The following MSI2 variants were observed in gnomAD, a reference collection of about 807,000 sequenced individuals.
The protein encoded by MSI2 is RNA-binding protein Musashi homolog 2.
A neutral mutation model predicts 45.6 loss-of-function variants in MSI2; 17 were observed. The observed-to-expected ratio is 0.37, with a 90% CI of 0.26 to 0.56. The LOEUF is 0.56. Ranked by LOEUF, MSI2 falls within the 20% of genes least tolerant of loss-of-function variation. The pLI, the probability that MSI2 is intolerant of heterozygous loss-of-function variation, is 0.77. For missense variants in MSI2, 293 were observed against 444.2 expected (o/e 0.66, Z 3.06); for synonymous variants, 156 against 158.2 (o/e 0.99, Z 0.11).
chr17:57,616,588 A>C (rs1907733003), intron 9 of MSI2: 1 of 151,666 alleles, frequency 6.6e-6, no homozygotes, highest in Non-Finnish European at 1.5e-5. Flanking sequence ...CAAAATTTGC[A>C]TTTAAATGGA....
At chr17:57,420,905 C>T (rs1461653012) in intron 6 of MSI2, among the ~76,000 whole-genome samples, 3 of 152,246 alleles carry the variant, frequency 2.0e-5, no homozygotes, top group East Asian at 1.9e-4. Flanking sequence ...GAGCGAGCAT[C>T]GCCGCTTTAA....
At chr17:57,374,428 T>C (rs928663122) in intron 5 of MSI2, among the ~76,000 whole-genome samples, 6 of 152,214 alleles carry the variant, frequency 3.9e-5, no homozygotes, top group African/African-American at 1.4e-4. Context: ...CTTTTCCTGG[T>C]TTTATTTACC....
chr17:57,599,518 G>A (rs544336172), intron 8 of MSI2, among the ~76,000 whole-genome samples: 4 of 152,318 alleles, frequency 2.6e-5, no homozygotes, highest in South Asian at 2.1e-4. Context: ...CATATTTATC[G>A]CCTTCTCTCC....
chr17:57,491,975 A>G (rs1765636809), intron 6 of MSI2, among the ~76,000 whole-genome samples: 1 of 152,172 alleles, frequency 6.6e-6, no homozygotes, highest in Admixed American at 6.5e-5. Context: ...TTAGTGTTGT[A>G]ATTTGCTCCT....
chr17:57,439,438 G>A (rs2084755559), intron 6 of MSI2, among the ~76,000 whole-genome samples: 2 of 152,166 alleles, frequency 1.3e-5, no homozygotes, highest in South Asian at 4.1e-4. Flanking sequence ...CGGGCAGAGA[G>A]TTGGGTCAAC....
chr17:57,431,925 G>A (rs148351444), intron 6 of MSI2, among the ~76,000 whole-genome samples: 45 of 152,256 alleles, frequency 3.0e-4, no homozygotes, highest in Middle Eastern at 3.4e-3. Context: ...GGCATTTGGC[G>A]GCGGTGTGGA....
chr17:57,599,404 C>T (rs553802037), intron 8 of MSI2, among the ~76,000 whole-genome samples: 1 of 152,196 alleles, frequency 6.6e-6, no homozygotes, highest in Non-Finnish European at 1.5e-5. Flanking sequence ...AGGGTGAATC[C>T]CCAGATAACC....
In MSI2 at chr17:57,544,213, C is replaced by T. The variant is rs7214278; in HGVS notation, c.454+14489C>T. ...TCAGAAAGTAAACTGGAATCAAAAACGCTATAAAGGATCAAAATAGGAGAG... is the reference window on the plus strand; with the variant it reads ...TCAGAAAGTAAACTGGAATCAAAAATGCTATAAAGGATCAAAATAGGAGAG... On this transcript the variant is annotated intron_variant, in intron 7 of 13. Coordinates refer to ENST00000284073, the MANE Select transcript of MSI2 (RefSeq NM_138962.4). Among the ~76,000 whole-genome samples, 1,390 of 152,180 alleles carry T rather than the reference C, an allele frequency of 9.1e-3. 10 individuals carry two copies. Among genetic ancestry groups the T allele is most frequent in the African/African-American group, 0.03 (1,239 of 41,508 alleles).
intron 10 of MSI2, among the ~76,000 whole-genome samples, chr17:57,649,096 G>C (rs1910918397): frequency 6.6e-6 from 1 of 152,154 alleles, no homozygotes; most frequent in African/African-American, 2.4e-5. Flanking sequence ...TTTGGCCTCT[G>C]GCAGCCCCAG....
chr17:57,549,517 C>G (rs2087255368), intron 7 of MSI2, among the ~76,000 whole-genome samples: 1 of 152,190 alleles, frequency 6.6e-6, no homozygotes. Flanking sequence ...CTATCCTCAG[C>G]TATAATACCG....
chr17:57,523,257 C>G (rs1004077487), intron 6 of MSI2, among the ~76,000 whole-genome samples: 1 of 152,170 alleles, frequency 6.6e-6, no homozygotes, highest in Non-Finnish European at 1.5e-5. Flanking sequence ...CTATGTTGGC[C>G]AGGCTGGTCT....
At chr17:57,659,257 T>C (rs1598500693) in intron 11 of MSI2, among the ~76,000 whole-genome samples, 4 of 152,114 alleles carry the variant, frequency 2.6e-5, no homozygotes, top group Admixed American at 2.6e-4. Context: ...GTTTTTTCTT[T>C]TTTTGTTTGT....
intron 7 of MSI2, among the ~76,000 whole-genome samples, chr17:57,595,402 G>T (rs1455246213): frequency 6.6e-6 from 1 of 152,064 alleles, no homozygotes; most frequent in Non-Finnish European, 1.5e-5. Context: ...CCTTTGGGGA[G>T]AAGAGTGTCT....
At chr17:57,305,477 C>T (rs538372977) in intron 5 of MSI2, among the ~76,000 whole-genome samples, 5 of 152,316 alleles carry the variant, frequency 3.3e-5, no homozygotes, top group South Asian at 4.1e-4. Flanking sequence ...ATCTGCTCTG[C>T]GCCAGCAAGA....
At chr17:57,555,811 C>G (rs139934017) in intron 7 of MSI2, among the ~76,000 whole-genome samples, 193 of 152,286 alleles carry the variant, frequency 1.3e-3, no homozygotes, top group Non-Finnish European at 2.3e-3. Flanking sequence ...TGCAGCCCCT[C>G]GAGGCCAAGT....
intron 6 of MSI2, among the ~76,000 whole-genome samples, chr17:57,525,143 A>G (rs572745600): frequency 5.3e-5 from 8 of 152,324 alleles, no homozygotes; most frequent in African/African-American, 1.9e-4. Context: ...CATACTTCTG[A>G]GGATATTACA....
Position 57,589,773 on chromosome 17 carries a change from C to G in MSI2, c.455-7095C>G, listed in dbSNP as rs536435865. Among the ~76,000 whole-genome samples the G allele has an allele frequency of 2.6e-5, 4 of 152,338 alleles. No homozygotes were observed. In the South Asian group the frequency reaches 8.3e-4, roughly 32 times the overall value. ...AGTGTGAAAGTAACTTGGGGTACCA[C>G]TCCTGGGTTCAGTTCCTGCCTCTGG... On this transcript the variant is annotated intron_variant, in intron 7 of 13. Transcript: ENST00000284073.
intron 6 of MSI2, among the ~76,000 whole-genome samples, chr17:57,502,682 C>T (rs978827944): frequency 7.4e-6 from 1 of 135,842 alleles, no homozygotes; most frequent in African/African-American, 2.7e-5. Context: ...TAGATTTAAG[C>T]CTTCTAGCAT....
intron 10 of MSI2, among the ~76,000 whole-genome samples, chr17:57,637,861 T>G (rs1253876593): frequency 6.6e-6 from 1 of 152,190 alleles, no homozygotes; most frequent in Non-Finnish European, 1.5e-5. Flanking sequence ...CCACACCTCG[T>G]CCTCTGTGGA....
Sources: gnomAD v4.1 joint callset for allele counts (sites outside exome capture counted in the v4.1 genomes callset) on GRCh38, gnomAD v4.1.1 for gene constraint, MANE v1.5 for transcripts, NCBI Gene and HGNC (gene_info 2026-07-23, HGNC 2026-07-21) for gene names.